The following PPP2R5C variants were observed in gnomAD, a reference collection of about 807,000 sequenced individuals.
The protein encoded by PPP2R5C is serine/threonine-protein phosphatase 2A 56 kDa regulatory subunit gamma isoform.
A neutral mutation model predicts 68.9 loss-of-function variants in PPP2R5C; 7 were observed. The ratio of observed to expected loss-of-function variants is 0.10; its 90% CI spans 0.06 to 0.19. The LOEUF (loss-of-function observed/expected upper bound fraction) is 0.19, where lower values mean the gene tolerates loss of function less well. PPP2R5C is among the 10% of genes least tolerant of loss of function. The pLI, the probability that PPP2R5C is intolerant of heterozygous loss-of-function variation, is 1.00. For synonymous variants in PPP2R5C, 210 were observed against 222.2 expected (o/e 0.95, Z 0.49); for missense variants, 348 against 641.3 (o/e 0.54, Z 4.94).
intron 2 of PPP2R5C, among the ~76,000 whole-genome samples, chr14:101,772,771 G>T (rs974363556): frequency 6.6e-6 from 1 of 152,172 alleles, no homozygotes; most frequent in Non-Finnish European, 1.5e-5. Flanking sequence ...ACTCCAGCCT[G>T]GGTGACAGAA....
chr14:101,875,300 G>C (rs1370632172), intron 2 of PPP2R5C, among the ~76,000 whole-genome samples: 1 of 152,138 alleles, frequency 6.6e-6, no homozygotes, highest in Non-Finnish European at 1.5e-5. Context: ...GTGTGCCAGG[G>C]CCAGCAGGAA....
intron 1 of PPP2R5C, chr14:101,843,890 C>T (rs926053186): frequency 5.8e-5 from 10 of 173,150 alleles, no homozygotes; most frequent in Admixed American, 1.9e-4. Context: ...TTGATACACA[C>T]GGGCCCTGAA....
intron 5 of PPP2R5C, among the ~76,000 whole-genome samples, chr14:101,889,498 C>G (rs2044722596): frequency 6.6e-6 from 1 of 152,200 alleles, no homozygotes. Context: ...TGCTCCTAGC[C>G]CTGGGAACAT....
At chr14:101,863,754 T>C (rs1390756581) in intron 2 of PPP2R5C, among the ~76,000 whole-genome samples, 1 of 152,058 alleles carries the variant, frequency 6.6e-6, no homozygotes, top group Non-Finnish European at 1.5e-5. Flanking sequence ...AAAAATTAGC[T>C]GGGCGTGGTG....
At chr14:101,815,631 TAA>T (rs895325078) in intron 1 of PPP2R5C, among the ~76,000 whole-genome samples, 1 of 152,168 alleles carries the variant, frequency 6.6e-6, no homozygotes, top group African/African-American at 2.4e-5. Context: ...GATTAAAAAT[TAA>T]AAGTTATCTC....
rs527666421 is a variant in PPP2R5C at position 101,825,144 on chromosome 14, C to T, written c.94+15108C>T. ...AATTTGTTTTGGTTCCAGGATGAAA[C>T]TCAAGAGATACAGAAGAAACTGAAA... On this transcript the variant is annotated intron_variant, in intron 1 of 13. Transcript: ENST00000334743. This position sits in a 1 kb window ranked among gnomAD's most constrained non-coding sequence, Gnocchi z 4.0. Among the ~76,000 whole-genome samples, 3 of 151,532 alleles carry T rather than the reference C, an allele frequency of 2.0e-5. No individual in the cohort carries two copies. Among genetic ancestry groups the T allele is most frequent in the Non-Finnish European group, 4.4e-5 (3 of 67,970 alleles).
intron 2 of PPP2R5C, among the ~76,000 whole-genome samples, chr14:101,774,595 A>C (rs926578975): frequency 6.6e-6 from 1 of 152,142 alleles, no homozygotes; most frequent in Non-Finnish European, 1.5e-5. Context: ...TGGTTGCCAG[A>C]TGGAAGTTGC....
chr14:101,800,817 C>T (rs1451935311), intron 3 of PPP2R5C, among the ~76,000 whole-genome samples: 1 of 152,120 alleles, frequency 6.6e-6, no homozygotes, highest in Non-Finnish European at 1.5e-5. Flanking sequence ...ATGAAATCAA[C>T]CTAAGTGTCA....
At chr14:101,898,217 TG>T (rs1224242078) in intron 8 of PPP2R5C, among the ~76,000 whole-genome samples, 2 of 152,230 alleles carry the variant, frequency 1.3e-5, no homozygotes, top group Non-Finnish European at 2.9e-5. Flanking sequence ...GAGAGATTTT[TG>T]AAAGTATGTA....
intron 1 of PPP2R5C, among the ~76,000 whole-genome samples, chr14:101,814,870 A>G (rs2039565652): frequency 6.6e-6 from 1 of 152,164 alleles, no homozygotes; most frequent in South Asian, 2.1e-4. Context: ...ACACTCATGT[A>G]CTTCTTCCTC....
In PPP2R5C at chr14:101,912,205, A is replaced by AT. The variant is rs565895637; in HGVS notation, c.1254-189dup. Among the ~76,000 whole-genome samples the AT allele has an allele frequency of 3.4e-4, 52 of 152,274 alleles. No homozygotes were observed. In the South Asian group the frequency reaches 0.011, roughly 31 times the overall value. On this transcript the variant is annotated intron_variant, in intron 11 of 13. Transcript: ENST00000334743. ...AGAATTCCAATCTTGGACATGTTAA[A>AT]TTTTTTTATATTTTCTCATGTTTAA... is the stretch of plus-strand genomic sequence containing the variant.
intron 1 of PPP2R5C, among the ~76,000 whole-genome samples, chr14:101,845,138 T>TA (rs560828976): frequency 0.22 from 31,737 of 145,624 alleles, 3,911 homozygotes; most frequent in African/African-American, 0.36. Context: ...TTTCCCTGTT[T>TA]AAAAAAAAAA....
intron 2 of PPP2R5C, among the ~76,000 whole-genome samples, chr14:101,780,553 G>GCCC (rs2140021919): frequency 6.6e-6 from 1 of 152,254 alleles, no homozygotes; most frequent in East Asian, 1.9e-4. Context: ...TGGCTCGACT[G>GCCC]CCCGGTGCTG....
chr14:101,910,651 T>C (rs1366293716), intron 11 of PPP2R5C, among the ~76,000 whole-genome samples: 1 of 150,556 alleles, frequency 6.6e-6, no homozygotes, highest in Non-Finnish European at 1.5e-5. Flanking sequence ...GCTAACACGG[T>C]GAAACCCCAT....
chr14:101,810,240 C>T (rs2039277619), intron 1 of PPP2R5C: 2 of 578,508 alleles, frequency 3.5e-6, no homozygotes, highest in Non-Finnish European at 6.2e-6. Context: ...TGAAAGAGGC[C>T]TTGCATGCAT....
intron 1 of PPP2R5C, chr14:101,821,107 A>C (rs2040024583): frequency 6.6e-6 from 1 of 151,690 alleles, no homozygotes; most frequent in East Asian, 1.9e-4. Flanking sequence ...AATAAAAATA[A>C]AAATAAAAAA....
intron 5 of PPP2R5C, among the ~76,000 whole-genome samples, chr14:101,889,572 C>T (rs2044727236): frequency 6.6e-6 from 1 of 152,188 alleles, no homozygotes; most frequent in Admixed American, 6.5e-5. Flanking sequence ...CAGGCTGGCA[C>T]AGAGGGTAGG....
At chr14:101,842,542 G>T (rs1389935161) in intron 1 of PPP2R5C, among the ~76,000 whole-genome samples, 3 of 152,144 alleles carry the variant, frequency 2.0e-5, no homozygotes, top group Admixed American at 2.0e-4. Flanking sequence ...CTGGTGACAG[G>T]CATGAGGGTA....
At chr14:101,816,891 ATTAT>A (rs2039724424) in intron 1 of PPP2R5C, among the ~76,000 whole-genome samples, 1 of 129,042 alleles carries the variant, frequency 7.7e-6, no homozygotes, top group Non-Finnish European at 1.6e-5. Context: ...TTATATATAT[ATTAT>A]ATAAATATAT....
Sources: allele counts gnomAD v4.1 joint callset (sites outside exome capture counted in the v4.1 genomes callset), GRCh38; gene constraint gnomAD v4.1.1; non-coding constraint Gnocchi (gnomAD v3.1); transcripts MANE v1.5; gene names NCBI Gene and HGNC (gene_info 2026-07-23, HGNC 2026-07-21).